Variants in MBP observed in about 807,000 individuals in gnomAD.
MBP encodes the protein myelin basic protein, also known as Golli-MBP.
A neutral mutation model predicts 35.8 loss-of-function variants in MBP; 16 were observed. The observed-to-expected ratio is 0.45, with a 90% CI of 0.30 to 0.68. The LOEUF (loss-of-function observed/expected upper bound fraction) is 0.68. MBP is among the 30% of genes least tolerant of loss of function. The probability of loss-of-function intolerance (pLI) is 0.08; values close to 1 mark genes in which losing one functional copy is unlikely to be tolerated. For synonymous variants in MBP, 143 were observed against 159.6 expected, an observed-to-expected ratio of 0.90 and a Z score of 0.78; for missense variants, 380 against 404.7, an observed-to-expected ratio of 0.94 and a Z score of 0.52.
At chr18:77,105,316 A>AGACTTAGGGCTG in intron 1 of MBP, 30 bp from the exon 2 acceptor site, 1 of 1,385,342 alleles carries the variant, frequency 7.2e-7, no homozygotes, top group Non-Finnish European at 1.0e-6. Flanking sequence ...TGTCAGCCCT[A>AGACTTAGGGCTG]AGTCTAGTGC....
At chr18:77,014,636 T>C (rs1264293983) in intron 4 of MBP, 1 of 985,330 alleles carries the variant, frequency 1.0e-6, no homozygotes, top group African/African-American at 1.7e-5. Context: ...CCCAGATTTT[T>C]AGGGCCATTG....
At chr18:76,990,806 C>T (rs2123148789) in intron 4 of MBP, 1 of 223,216 alleles carries the variant, frequency 4.5e-6, no homozygotes, top group African/African-American at 2.4e-5. Flanking sequence ...TAGGAAGCCA[C>T]AGATGAGCCA....
intron 3 of MBP, among the ~76,000 whole-genome samples, chr18:77,025,386 G>T (rs775135761): frequency 6.6e-6 from 1 of 152,164 alleles, no homozygotes; most frequent in Non-Finnish European, 1.5e-5. Context: ...CAGGGCCCCC[G>T]CCTGCAGCCA....
At chr18:77,091,713 C>T (rs369459263) in intron 2 of MBP, among the ~76,000 whole-genome samples, 12 of 151,716 alleles carry the variant, frequency 7.9e-5, no homozygotes, top group Non-Finnish European at 2.9e-5. Context: ...CATGCAAACA[C>T]ACCACATACA....
At position 77,079,814 on chromosome 18, in the gene MBP, T is replaced by C. The variant is rs562529530; in HGVS notation, c.52-13429A>G. ...AGAATAAATTCAGGTTCTGTGTGGG[T>C]TGGTTGTATATACAATTTAGTTTAA... On this transcript the variant is annotated intron_variant, in intron 2 of 8. Transcript: ENST00000355994. Among the ~76,000 whole-genome samples, 6 of 152,284 alleles carry C rather than the reference T, an allele frequency of 3.9e-5. No homozygotes were observed. The South Asian group carries it at 1.0e-3, about 26-fold the overall frequency.
chr18:77,090,348 C>T (rs988295327), intron 2 of MBP, among the ~76,000 whole-genome samples: 5 of 152,212 alleles, frequency 3.3e-5, no homozygotes, highest in South Asian at 2.1e-4. Context: ...ACGTGCTATT[C>T]ACACTCACGT....
At chr18:77,040,396 C>T (rs997424743) in intron 3 of MBP, among the ~76,000 whole-genome samples, 2 of 152,168 alleles carry the variant, frequency 1.3e-5, no homozygotes, top group Non-Finnish European at 2.9e-5. Context: ...CATCAAGCTA[C>T]CAATGACTTT....
chr18:77,009,839 G>C, intron 4 of MBP: 7 of 1,572,538 alleles, frequency 4.5e-6, no homozygotes, highest in Non-Finnish European at 6.0e-6. Flanking sequence ...AGGACCCGCC[G>C]GCGTCTTACC....
At chr18:77,041,599 T>TA (rs1454864074) in intron 3 of MBP, among the ~76,000 whole-genome samples, 1 of 151,782 alleles carries the variant, frequency 6.6e-6, no homozygotes, top group Non-Finnish European at 1.5e-5. Context: ...TATGCAGCCA[T>TA]AAAAAATGAT....
intron 2 of MBP, among the ~76,000 whole-genome samples, chr18:77,090,849 C>G (rs1674723): frequency 0.99 from 151,228 of 152,246 alleles, 75,114 homozygotes; most frequent in Middle Eastern, 1. Context: ...AAATGACTCT[C>G]CCCTCGTTCC....
At chr18:76,991,763 G>A (rs470252) in intron 4 of MBP, among the ~76,000 whole-genome samples, 24,111 of 152,090 alleles carry the variant, frequency 0.16, 2,168 homozygotes, top group East Asian at 0.34. Flanking sequence ...GACACAGAAC[G>A]CAGCGGAAGC....
intron 3 of MBP, among the ~76,000 whole-genome samples, chr18:77,036,988 G>A (rs664122): frequency 0.69 from 1,886 of 2,734 alleles, 792 homozygotes; most frequent in East Asian, 0.95. Flanking sequence ...GTCACGTTTT[G>A]GAGGACTGAG....
chr18:77,040,486 C>T (rs1014400393), intron 3 of MBP, among the ~76,000 whole-genome samples: 1 of 152,068 alleles, frequency 6.6e-6, no homozygotes, highest in African/African-American at 2.4e-5. Context: ...AATCCTAGGC[C>T]AAAAGAACAA....
intron 7 of MBP, chr18:76,987,886 T>G: frequency 1.9e-6 from 2 of 1,064,744 alleles, no homozygotes; most frequent in Non-Finnish European, 2.3e-6. Context: ...AAACCTTCCT[T>G]GAAAGTTTGC....
intron 1 of MBP, among the ~76,000 whole-genome samples, chr18:77,122,405 C>T (rs1036418986): frequency 2.0e-5 from 3 of 152,190 alleles, no homozygotes; most frequent in Admixed American, 1.3e-4. Flanking sequence ...GCTAGAGTCT[C>T]AGCTAGAGTC....
chr18:77,066,394 A>G lies in MBP; in HGVS notation c.52-9T>C. On this transcript the variant is annotated splice_polypyrimidine_tract_variant and intron_variant, in intron 2 of 8. Coordinates refer to ENST00000355994, the MANE Select transcript of MBP (RefSeq NM_001025101.2). ...CTGTTAGTTTCACTATTCTGGAAAAAGAAAACACAACAAACCCTTTTCTTA... is the reference window on the plus strand; with the variant it reads ...CTGTTAGTTTCACTATTCTGGAAAAGGAAAACACAACAAACCCTTTTCTTA... The G allele has an allele frequency of 6.5e-7, 1 of 1,531,070 alleles. No homozygotes were observed. The highest frequency in any genetic ancestry group is 9.1e-7 in the Non-Finnish European group (1 of 1,104,826). The allele number at this position is 1,531,070 out of a possible 1,614,324, so 94.8% of individuals were successfully genotyped here. A position where few individuals can be genotyped will look rare whatever the true frequency, so the allele number is the denominator to read the frequency against.
chr18:77,078,004 T>C (rs111942390), intron 2 of MBP, among the ~76,000 whole-genome samples: 2 of 152,104 alleles, frequency 1.3e-5, no homozygotes, highest in Non-Finnish European at 2.9e-5. Flanking sequence ...TGCCCCGGCC[T>C]CTCCAGGGAG....
In MBP at chr18:76,988,059, A is replaced by AGAATCATT; in HGVS notation, c.750+428_750+435dup. 7 of 1,436,684 alleles carry AGAATCATT rather than the reference A, an allele frequency of 4.9e-6. No homozygotes were observed. Among genetic ancestry groups the AGAATCATT allele is most frequent in the Non-Finnish European group, 6.4e-6 (7 of 1,096,894 alleles). The allele number at this position is 1,436,684 out of a possible 1,614,324, so 89.0% of individuals were successfully genotyped here. On this transcript the variant is annotated intron_variant, in intron 7 of 8. Transcript: ENST00000355994. This position sits in a 1 kb window ranked among gnomAD's most constrained non-coding sequence, Gnocchi z 5.2. ...TTAGCCTCTTTTTCTGTTCATCAGC[A>AGAATCATT]GAATCATTTTCCCAGTGTCAGCATC...
At chr18:77,115,475 A>C (rs1019818650) in intron 1 of MBP, 9 of 152,338 alleles carry the variant, frequency 5.9e-5, no homozygotes, top group African/African-American at 1.7e-4. Context: ...GATAGGAAAG[A>C]TGTTCAGCTC....
Sources: gnomAD v4.1 joint callset for allele counts (sites outside exome capture counted in the v4.1 genomes callset) on GRCh38, gnomAD v4.1.1 for gene constraint, Gnocchi (gnomAD v3.1) non-coding constraint, MANE v1.5 for transcripts, NCBI Gene and HGNC (gene_info 2026-07-23, HGNC 2026-07-21) for gene names.